The following CCDC7 variants were observed in gnomAD, a reference collection of about 807,000 sequenced individuals.
CCDC7 encodes the protein coiled-coil domain containing 7, also known as coiled-coil domain-containing protein 7.
A neutral mutation model predicts 196.9 loss-of-function variants in CCDC7; 183 were observed. That is an observed-to-expected ratio of 0.93 (90% CI 0.82 to 1.05). The LOEUF is 1.05. Among genes scored for constraint, CCDC7 ranks in the 50% least tolerant of loss-of-function variants. The pLI is 0.00. For synonymous variants in CCDC7, 525 were observed against 484.6 expected (o/e 1.08, Z -1.10); for missense variants, 1,540 against 1,482.2 (o/e 1.04, Z -0.64).
chr10:32,780,827 G>A (rs574027138), intron 29 of CCDC7, among the ~76,000 whole-genome samples: 2 of 152,138 alleles, frequency 1.3e-5, no homozygotes, highest in East Asian at 3.9e-4. Flanking sequence ...CACACAAAAG[G>A]CAGAAATTTG....
intron 25 of CCDC7, among the ~76,000 whole-genome samples, chr10:32,724,083 T>C (rs1541135): frequency 0.66 from 99,558 of 151,832 alleles, 32,889 homozygotes; most frequent in South Asian, 0.68. Flanking sequence ...AAGGAAGGAT[T>C]ATTAGTTCTC....
rs974837357 is a variant in CCDC7, at chr10:32,867,872, C to A, written c.4112-8475C>A. 2.6e-5 allele frequency among the ~76,000 whole-genome samples: 4 copies of A among 151,846 alleles called. 1 individual carries two copies. The highest frequency in any genetic ancestry group is 4.8e-5 in the African/African-American group (2 of 41,374). Reference sequence around the variant, plus strand: ...CTATCACTACCATCTACCTCCAGAACGTTTTTTATCTTGCAAAACTGAAAC... The same window carrying A: ...CTATCACTACCATCTACCTCCAGAAAGTTTTTTATCTTGCAAAACTGAAAC... On this transcript the variant is annotated intron_variant, in intron 41 of 41. Transcript: ENST00000639629.
chr10:32,827,922 A>G (rs1053148888), intron 32 of CCDC7, among the ~76,000 whole-genome samples: 1 of 152,190 alleles, frequency 6.6e-6, no homozygotes, highest in Non-Finnish European at 1.5e-5. Flanking sequence ...CATTTCCCAG[A>G]TATAGGATAG....
At chr10:32,847,847 C>G (rs772875271) in exon 38 of CCDC7, 1 of 1,609,448 alleles carries the variant, frequency 6.2e-7, no homozygotes, top group East Asian at 2.2e-5. Flanking sequence ...TGATGTAGAA[C>G]CCTTGACAAA....
chr10:32,699,594 G>T (rs1375350672), intron 24 of CCDC7, among the ~76,000 whole-genome samples: 15 of 149,108 alleles, frequency 1.0e-4, no homozygotes, highest in Non-Finnish European at 2.1e-4. Context: ...GGGTCAAATG[G>T]TATTTCTAGT....
In CCDC7 at chr10:32,582,308, A is replaced by G. The variant is rs539061191; in HGVS notation, c.1455-726A>G. On this transcript the variant is annotated intron_variant, in intron 16 of 41. Transcript: ENST00000639629. ...CTTCAAATTATTTTAAACACTTTGCAACAAACCTTAGGCAAATTATGTCAA... is the reference window on the plus strand; with the variant it reads ...CTTCAAATTATTTTAAACACTTTGCGACAAACCTTAGGCAAATTATGTCAA... Among the ~76,000 whole-genome samples the G allele has an allele frequency of 5.9e-5, 9 of 151,968 alleles. No homozygotes were observed. The East Asian group carries it at 1.7e-3, about 29-fold the overall frequency.
At chr10:32,839,041 T>G (rs954134284) in intron 33 of CCDC7, among the ~76,000 whole-genome samples, 3 of 151,708 alleles carry the variant, frequency 2.0e-5, no homozygotes, top group African/African-American at 7.3e-5. Context: ...CCTTAAAACA[T>G]AAATCTCACA....
chr10:32,531,010 A>G (rs2049567301), intron 11 of CCDC7, among the ~76,000 whole-genome samples: 1 of 152,234 alleles, frequency 6.6e-6, no homozygotes, highest in South Asian at 2.1e-4. Context: ...AGCTATTGAA[A>G]TAAACATGGT....
chr10:32,539,092 G>A (rs963336379), intron 11 of CCDC7, among the ~76,000 whole-genome samples: 21 of 151,832 alleles, frequency 1.4e-4, no homozygotes, highest in Non-Finnish European at 2.9e-4. Flanking sequence ...TGGCACCAGC[G>A]CTTCTTTATA....
chr10:32,861,445 G>T (rs1206255146), intron 41 of CCDC7, among the ~76,000 whole-genome samples: 2 of 152,032 alleles, frequency 1.3e-5, no homozygotes, highest in Non-Finnish European at 2.9e-5. Context: ...AGACTTAAAC[G>T]TAAGACCTAA....
intron 32 of CCDC7, among the ~76,000 whole-genome samples, chr10:32,828,498 G>GAAGAAGAAGAAGAAGAAGAAC (rs2091669367): frequency 1.8e-5 from 2 of 112,720 alleles, no homozygotes; most frequent in South Asian, 5.9e-4. Context: ...AGAAGAAGAA[G>GAAGAAGAAGAAGAAGAAGAAC]AAGAAGAAGA....
chr10:32,848,609 T>G, exon 39 of CCDC7: 2 of 1,495,044 alleles, frequency 1.3e-6, no homozygotes, highest in South Asian at 2.3e-5. Flanking sequence ...TGAACTTATT[T>G]AAAAACAAAG....
At chr10:32,872,289 C>G (rs994852556) in intron 41 of CCDC7, among the ~76,000 whole-genome samples, 3 of 151,884 alleles carry the variant, frequency 2.0e-5, no homozygotes, top group African/African-American at 7.2e-5. Context: ...GAATTGATCC[C>G]TTTACCATTA....
intron 5 of CCDC7, among the ~76,000 whole-genome samples, chr10:32,466,129 G>A (rs2036716411): frequency 6.6e-6 from 1 of 151,770 alleles, no homozygotes; most frequent in Non-Finnish European, 1.5e-5. Flanking sequence ...CTTCTGATCT[G>A]GAATTTCAAG....
At chr10:32,807,228 T>C (rs373643836) in intron 30 of CCDC7, among the ~76,000 whole-genome samples, 32 of 152,304 alleles carry the variant, frequency 2.1e-4, no homozygotes, top group African/African-American at 7.2e-4. Flanking sequence ...ATAAATATAC[T>C]TCACTTCTTT....
intron 24 of CCDC7, among the ~76,000 whole-genome samples, chr10:32,697,027 G>A (rs2077825964): frequency 6.6e-6 from 1 of 152,106 alleles, no homozygotes; most frequent in African/African-American, 2.4e-5. Flanking sequence ...TACATTTATT[G>A]TGCACTTTAT....
In CCDC7 at chr10:32,474,003, A is replaced by T. The variant is rs150995497; in HGVS notation, c.776A>T (p.Asp259Val). The T allele has an allele frequency of 7.1e-5, 115 of 1,611,932 alleles. No individual in the cohort carries two copies. The African/African-American group carries it at 1.2e-3, about 16-fold the overall frequency. Residue 259 changes from aspartate to valine, a missense_variant, in exon 8 of 42, where the codon GAT (aspartate) becomes GTT (valine). Asp to Val is a radical substitution (Grantham distance 152, BLOSUM62 -3). Transcript: ENST00000639629. ...GCCCACTCAACTGATGAATTTAAAG[A>T]TGTTTCTGCAACAGAACCACGTAAG...
At chr10:32,507,479 C>T (rs1279625871) in intron 9 of CCDC7, among the ~76,000 whole-genome samples, 2 of 151,536 alleles carry the variant, frequency 1.3e-5, no homozygotes, top group Non-Finnish European at 2.9e-5. Flanking sequence ...GAGTTGGATT[C>T]TCACTCTGTT....
At chr10:32,811,694 G>A (rs1053236770) in intron 30 of CCDC7, among the ~76,000 whole-genome samples, 8 of 151,994 alleles carry the variant, frequency 5.3e-5, no homozygotes, top group African/African-American at 1.7e-4. Flanking sequence ...AAATTGAAGA[G>A]GACGGAATTC....
Sources: allele counts gnomAD v4.1 joint callset (sites outside exome capture counted in the v4.1 genomes callset), GRCh38; gene constraint gnomAD v4.1.1; transcripts MANE v1.5; gene names NCBI Gene and HGNC (gene_info 2026-07-23, HGNC 2026-07-21).